UBR3: variants seen among roughly 807,000 people sequenced by gnomAD.
The protein encoded by UBR3 is ubiquitin protein ligase E3 component n-recognin 3, also known as E3 ubiquitin-protein ligase UBR3.
UBR3 carries 85 observed loss-of-function variants against 243.2 expected under a neutral mutation model. The ratio of observed to expected loss-of-function variants is 0.35; its 90% CI spans 0.29 to 0.42. The LOEUF (loss-of-function observed/expected upper bound fraction) is 0.42. Ranked by LOEUF, UBR3 falls within the 10% of genes least tolerant of loss-of-function variation. The pLI, the probability that UBR3 is intolerant of heterozygous loss-of-function variation, is 1.00. For missense variants in UBR3, 1,686 were observed against 2,300.8 expected (o/e 0.73, Z 5.47); for synonymous variants, 748 against 799.8 (o/e 0.94, Z 1.09).
chr2:169,839,799 A>G (rs988340200), intron 1 of UBR3, among the ~76,000 whole-genome samples: 1 of 152,254 alleles, frequency 6.6e-6, no homozygotes, highest in Non-Finnish European at 1.5e-5. Flanking sequence ...AAACAACATT[A>G]AATCTTAAGG....
chr2:170,071,340 A>C (rs2091693439), intron 35 of UBR3, among the ~76,000 whole-genome samples: 1 of 152,174 alleles, frequency 6.6e-6, no homozygotes, highest in East Asian at 1.9e-4. Flanking sequence ...GCATGAACAA[A>C]ATGTGGTATA....
intron 19 of UBR3, 74 bp from the exon 20 acceptor site, chr2:169,942,419 T>G: frequency 2.1e-6 from 3 of 1,396,796 alleles, no homozygotes; most frequent in Non-Finnish European, 2.8e-6. Flanking sequence ...GAAATTGGTG[T>G]CTATAAATTA....
At position 170,083,268 on chromosome 2, in the gene UBR3, T is replaced by C. The variant is rs771733204; in HGVS notation, c.*1425T>C. The stretch of plus-strand genomic sequence containing the variant: ...TGGACATTAAATCATGGCCTTGCAT[T>C]AAAATATGGAAAGCAGAGCAGTACA... On this transcript the variant is annotated 3_prime_UTR_variant, in exon 39 of 39. Transcript: ENST00000272793. 9 of 152,584 alleles carry C rather than the reference T, an allele frequency of 5.9e-5. No individual in the cohort carries two copies. Among genetic ancestry groups the C allele is most frequent in the Non-Finnish European group, 1.3e-4 (9 of 67,998 alleles). 9.5% of individuals were successfully genotyped at this position (152,584 alleles called of 1,614,324 possible). A position where few individuals can be genotyped will look rare whatever the true frequency, so the allele number is the denominator to read the frequency against.
intron 10 of UBR3, among the ~76,000 whole-genome samples, chr2:169,907,089 T>G (rs1433119332): frequency 4.2e-5 from 6 of 143,672 alleles, no homozygotes; most frequent in Non-Finnish European, 7.5e-5. Context: ...CAGGCTGGAG[T>G]GCAGTGGCAC....
intron 24 of UBR3, among the ~76,000 whole-genome samples, chr2:169,967,528 G>A (rs892107854): frequency 3.7e-4 from 57 of 152,160 alleles, no homozygotes; most frequent in South Asian, 6.2e-4. Flanking sequence ...CACCTAAATC[G>A]TAGGAATTGA....
chr2:170,013,278 A>G (rs2090139678), intron 29 of UBR3, among the ~76,000 whole-genome samples: 1 of 152,038 alleles, frequency 6.6e-6, no homozygotes, highest in Admixed American at 6.6e-5. Flanking sequence ...GAAACAAAGA[A>G]AAGTTGGTAT....
At chr2:170,012,517 A>G (rs568635005) in intron 29 of UBR3, among the ~76,000 whole-genome samples, 2 of 152,316 alleles carry the variant, frequency 1.3e-5, no homozygotes, top group African/African-American at 2.4e-5. Context: ...AATATCATAT[A>G]GAGAAAGCAC....
At chr2:169,881,282 C>A (rs889807303) in intron 5 of UBR3, among the ~76,000 whole-genome samples, 1 of 151,728 alleles carries the variant, frequency 6.6e-6, no homozygotes, top group Non-Finnish European at 1.5e-5. Context: ...CGGGTTCAAG[C>A]GATTCTCCTG....
chr2:169,924,000 A>G lies in UBR3; in HGVS notation c.1932+6A>G, dbSNP rs1390366597. 2 of 1,538,242 alleles carry G rather than the reference A, an allele frequency of 1.3e-6. No homozygotes were observed. Among genetic ancestry groups the G allele is most frequent in the Non-Finnish European group, 1.7e-6 (2 of 1,143,416 alleles). On this transcript the variant is annotated splice_donor_region_variant and intron_variant, in intron 12 of 38. Transcript: ENST00000272793. ...ATGCTATGTTTTTGAGTAAGGTAAG[A>G]CTGTCATTAAACAATTCTGTTCTTT...
At chr2:170,020,494 T>C (rs2090360799) in intron 30 of UBR3, among the ~76,000 whole-genome samples, 1 of 152,184 alleles carries the variant, frequency 6.6e-6, no homozygotes, top group African/African-American at 2.4e-5. Flanking sequence ...CATTTTATGT[T>C]TTTGGCTTCA....
chr2:169,891,431 T>C (rs1027886489), intron 6 of UBR3, among the ~76,000 whole-genome samples, 200 bp downstream of exon 6: 1 of 152,188 alleles, frequency 6.6e-6, no homozygotes, highest in Admixed American at 6.6e-5. Flanking sequence ...ATTTTCATCA[T>C]AAAATATGCA....
intron 32 of UBR3, among the ~76,000 whole-genome samples, chr2:170,046,023 G>A (rs2091079107): frequency 6.9e-6 from 1 of 145,364 alleles, no homozygotes; most frequent in African/African-American, 2.6e-5. Context: ...CTGGAATGCA[G>A]TGGCACGATC....
At chr2:170,015,440 T>C (rs16857446) in intron 30 of UBR3, 74 bp downstream of exon 30, 1 of 1,228,184 alleles carries the variant, frequency 8.1e-7, no homozygotes, top group South Asian at 1.3e-5. Context: ...AAGTGACATT[T>C]TGGTATATTT....
chr2:170,013,397 G>C (rs1220824979), intron 29 of UBR3, among the ~76,000 whole-genome samples: 1 of 152,172 alleles, frequency 6.6e-6, no homozygotes, highest in Non-Finnish European at 1.5e-5. Context: ...GAGCACAGGA[G>C]TTCAAGTGCA....
intron 24 of UBR3, among the ~76,000 whole-genome samples, chr2:169,971,868 G>A (rs893620026): frequency 4.6e-5 from 7 of 152,110 alleles, no homozygotes; most frequent in Non-Finnish European, 1.0e-4. Context: ...AGAAAAGCAA[G>A]AGCATACACA....
chr2:169,983,521 A>G (rs913637764), intron 24 of UBR3, among the ~76,000 whole-genome samples: 2 of 151,968 alleles, frequency 1.3e-5, no homozygotes, highest in Non-Finnish European at 2.9e-5. Context: ...TCGGCCTCCC[A>G]AAAGTGCTGA....
chr2:169,881,917 GTA>G (rs1271315835), intron 5 of UBR3, among the ~76,000 whole-genome samples: 4 of 91,534 alleles, frequency 4.4e-5, no homozygotes, highest in Non-Finnish European at 7.3e-5. Flanking sequence ...ATATGTATAT[GTA>G]TACATGTATA....
chr2:169,896,068 G>A (rs1263298666), intron 7 of UBR3, among the ~76,000 whole-genome samples: 1 of 152,122 alleles, frequency 6.6e-6, no homozygotes, highest in Admixed American at 6.5e-5. Flanking sequence ...AGGCTGAGGT[G>A]GGCAGATCAC....
Position 169,895,185 on chromosome 2 carries a change from A to G in UBR3, c.1110A>G (p.Gln370=). 4 of 1,521,726 alleles carry G rather than the reference A, an allele frequency of 2.6e-6. No homozygotes were observed. The highest frequency in any genetic ancestry group is 3.5e-6 in the Non-Finnish European group (4 of 1,139,330). 94.3% of individuals were successfully genotyped at this position (1,521,726 alleles called of 1,614,324 possible). A position where few individuals can be genotyped will look rare whatever the true frequency, so the allele number is the denominator to read the frequency against. The change falls in exon 7 of 39, where the codon CAA becomes CAG. Residue 370 remains glutamine (Q), a synonymous_variant. Coordinates refer to ENST00000272793, the MANE Select transcript of UBR3 (RefSeq NM_172070.4). ...RVKLSSGTKD[Q]SIMDVLKHKS... ...AATTTCATTTTTCATGTGCAGATCA[A>G]TCCATAATGGATGTTTTGAAGCATA...
Sources: gnomAD v4.1 joint callset for allele counts (sites outside exome capture counted in the v4.1 genomes callset) on GRCh38, gnomAD v4.1.1 for gene constraint, MANE v1.5 for transcripts, NCBI Gene and HGNC (gene_info 2026-07-23, HGNC 2026-07-21) for gene names.